Variants in NPC1L1 observed in about 807,000 individuals in gnomAD.
NPC1L1 encodes NPC1 like intracellular cholesterol transporter 1.
A neutral mutation model predicts 117.0 loss-of-function variants in NPC1L1; 98 were observed. That is an observed-to-expected ratio of 0.84 (90% CI 0.71 to 0.99). The LOEUF (loss-of-function observed/expected upper bound fraction) is 0.99, where lower values mean the gene tolerates loss of function less well. NPC1L1 is among the 50% of genes least tolerant of loss of function. The probability of loss-of-function intolerance (pLI) is 0.00; values close to 1 mark genes in which losing one functional copy is unlikely to be tolerated. For synonymous variants in NPC1L1, 729 were observed against 727.6 expected (o/e 1.00, Z -0.03); for missense variants, 1,540 against 1,710.0 (o/e 0.90, Z 1.75).
Position 44,536,060 on chromosome 7 carries a change from G to A in NPC1L1, c.1855-92C>T. 2 of 1,599,472 alleles carry A rather than the reference G, an allele frequency of 1.3e-6. No individual in the cohort carries two copies. Among genetic ancestry groups the A allele is most frequent in the Non-Finnish European group, 1.7e-6 (2 of 1,170,032 alleles). ...CTCGGTCACTGGGCACTAATTGTGTGTTGTGTCATAGGGCCTGATGGCCCC... is the reference window on the plus strand; with the variant it reads ...CTCGGTCACTGGGCACTAATTGTGTATTGTGTCATAGGGCCTGATGGCCCC... On this transcript the variant is annotated intron_variant, in intron 4 of 18. Coordinates refer to ENST00000381160, the MANE Select transcript of NPC1L1 (RefSeq NM_001101648.2). The surrounding 1 kb of genome is among the most constrained non-coding windows in gnomAD (Gnocchi z 4.7).
Position 44,516,692 on chromosome 7 carries a change from T to G in NPC1L1, c.3519+11A>C, listed in dbSNP as rs767294400. On this transcript the variant is annotated intron_variant, in intron 16 of 18. Coordinates refer to ENST00000381160, the MANE Select transcript of NPC1L1 (RefSeq NM_001101648.2). The stretch of plus-strand genomic sequence containing the variant: ...CCAGAGGCCCCCTGGTGCCTGTGTC[T>G]GCTGGGTTACCGAGACCAGGTTGAT... 1 of 1,602,090 alleles carries G rather than the reference T, an allele frequency of 6.2e-7. No individual in the cohort carries two copies. Among genetic ancestry groups the G allele is most frequent in the Non-Finnish European group, 8.5e-7 (1 of 1,173,572 alleles).
chr7:44,518,602 G>A, intron 14 of NPC1L1: 1 of 557,026 alleles, frequency 1.8e-6, no homozygotes, highest in Non-Finnish European at 2.9e-6. Context: ...CCAGGAGGTA[G>A]AGGTTGCAGT....
At chr7:44,513,712 C>G in intron 18 of NPC1L1, 63 bp from the exon 19 acceptor site, 1 of 1,570,724 alleles carries the variant, frequency 6.4e-7, no homozygotes, top group East Asian at 2.2e-5. Context: ...AGAAGCTATT[C>G]CTGGTTCTGT....
intron 18 of NPC1L1, 77 bp downstream of exon 18, chr7:44,515,726 T>C: frequency 6.3e-7 from 1 of 1,586,342 alleles, no homozygotes; most frequent in African/African-American, 1.3e-5. Context: ...TCCTGAGCTT[T>C]TGTGGTGAGC....
In NPC1L1 at chr7:44,521,801, TCCAC is replaced by T; in HGVS notation, c.2860_2863del (p.Val954MetfsTer7). 1 of 1,614,004 alleles carries T rather than the reference TCCAC, an allele frequency of 6.2e-7. No homozygotes were observed. Among genetic ancestry groups the T allele is most frequent in the Non-Finnish European group, 8.5e-7 (1 of 1,179,998 alleles). On this transcript the variant is annotated frameshift_variant, in exon 12 of 19. Coordinates refer to ENST00000381160, the MANE Select transcript of NPC1L1 (RefSeq NM_001101648.2). LOFTEE classifies it high-confidence loss of function. Reference sequence around the variant, plus strand: ...CGGGGTCAGCCAGTCAATGAAGTCATCCACCCAGGAGGAGGCAGGGATGGCCAGG... The same window carrying T: ...CGGGGTCAGCCAGTCAATGAAGTCATCCAGGAGGAGGCAGGGATGGCCAGG...
chr7:44,536,311 A>G lies in NPC1L1; in HGVS notation c.1799T>C (p.Met600Thr), dbSNP rs1319234917. The change falls in exon 4 of 19, where the codon ATG becomes ACG. Residue 600 changes from methionine to threonine, a missense_variant. Transcript: ENST00000381160. The surrounding 1 kb of genome is among the most constrained non-coding windows in gnomAD (Gnocchi z 4.7). The part of the protein sequence containing the change: ...KLWEEAFLEE[M>T]RAFQRRMAGM... ...AGCCATCCGACGCTGGAAGGCTCGCATTTCCTCTAAGAAGGCCTCCTCCCA... is the reference window on the plus strand; with the variant it reads ...AGCCATCCGACGCTGGAAGGCTCGCGTTTCCTCTAAGAAGGCCTCCTCCCA... 1 of 1,614,214 alleles carries G rather than the reference A, an allele frequency of 6.2e-7. No individual in the cohort carries two copies. Among genetic ancestry groups the G allele is most frequent in the Non-Finnish European group, 8.5e-7 (1 of 1,180,034 alleles).
At position 44,528,908 on chromosome 7, in the gene NPC1L1, A is replaced by C. The variant is rs545833171; in HGVS notation, c.2637+2847T>G. ...ACATGGTGAAACCCTGTCTCTACAA[A>C]AAATACAAAAAAATTAGCCAGGCAT... On this transcript the variant is annotated intron_variant, in intron 10 of 18. Transcript: ENST00000381160. 2.6e-5 allele frequency among the ~76,000 whole-genome samples: 4 copies of C among 151,834 alleles called. No individual in the cohort carries two copies. In the South Asian group the frequency reaches 8.3e-4, roughly 32 times the overall value.
At chr7:44,530,423 T>G (rs775312306) in intron 10 of NPC1L1, among the ~76,000 whole-genome samples, 2 of 152,242 alleles carry the variant, frequency 1.3e-5, no homozygotes, top group Admixed American at 1.3e-4. Context: ...GGGTAAAGTT[T>G]CAATTTTGCA....
intron 10 of NPC1L1, among the ~76,000 whole-genome samples, chr7:44,525,460 G>A (rs1225974410): frequency 1.3e-5 from 2 of 152,180 alleles, no homozygotes; most frequent in Non-Finnish European, 2.9e-5. Context: ...GTTTCACCAT[G>A]TTGGCCAGGA....
intron 10 of NPC1L1, among the ~76,000 whole-genome samples, chr7:44,522,952 T>C (rs1371546204): frequency 4.6e-5 from 7 of 152,174 alleles, no homozygotes; most frequent in Admixed American, 4.6e-4. Context: ...CTCCCTTCTA[T>C]AACATAAAGG....
At position 44,536,576 on chromosome 7, in the gene NPC1L1, T is replaced by C; in HGVS notation, c.1682-148A>G. ...CCCCACTCCTTCCTCATCTGATACA[T>C]GGCCTTACCTCCTACACCCCACTTC... is the stretch of plus-strand genomic sequence containing the variant. On this transcript the variant is annotated intron_variant, in intron 3 of 18. Coordinates refer to ENST00000381160, the MANE Select transcript of NPC1L1 (RefSeq NM_001101648.2). The surrounding 1 kb of genome is among the most constrained non-coding windows in gnomAD (Gnocchi z 4.7). The C allele has an allele frequency of 3.2e-6, 3 of 925,668 alleles. No homozygotes were observed. In the South Asian group the frequency reaches 4.2e-5, roughly 13 times the overall value. The allele number at this position is 925,668 out of a possible 1,614,324, so 57.3% of individuals were successfully genotyped here.
rs764587726 is a variant in NPC1L1 at position 44,540,003 on chromosome 7, T to C, written c.394A>G (p.Asn132Asp). Residue 132 changes from asparagine (N) to aspartate (D), a missense_variant, in exon 2 of 19, where the codon AAT becomes GAT. Physicochemically the swap from Asn to Asp is conservative, Grantham distance 23 (BLOSUM62 1). Around this residue, in one of 3 missense-constraint regions of NPC1L1, gnomAD observed 793 missense variants for 820.4 expected, o/e 0.97. Coordinates refer to ENST00000381160, the MANE Select transcript of NPC1L1 (RefSeq NM_001101648.2). ...GTCACATTGATGAAGAGGCTCTGAT[T>C]GGGGCTGCACGTGTTGTGGCAGTGC... ...NLHCHNTCSPNQSLFINVTRV... is the reference protein window; with the variant it reads ...NLHCHNTCSPDQSLFINVTRV... The C allele has an allele frequency of 1.9e-5, 31 of 1,614,024 alleles. No homozygotes were observed. Among genetic ancestry groups the C allele is most frequent in the Middle Eastern group, 3.3e-4 (2 of 6,084 alleles).
At position 44,533,412 on chromosome 7, in the gene NPC1L1, C is replaced by A. The variant is rs367897722; in HGVS notation, c.2409+19G>T. ...GAACCCAGGGGCAGGTCCCTCAGTA[C>A]TGGCCCAGCTGCCCCTACCTCCTGC... On this transcript the variant is annotated intron_variant, in intron 8 of 18. Transcript: ENST00000381160. 3.1e-6 allele frequency: 5 copies of A among 1,613,296 alleles called. No individual in the cohort carries two copies. Among genetic ancestry groups the A allele is most frequent in the Non-Finnish European group, 4.2e-6 (5 of 1,179,728 alleles).
Position 44,513,168 on chromosome 7 carries a change from T to G in NPC1L1, c.*279A>C, listed in dbSNP as rs1162657231. 2 of 497,866 alleles carry G rather than the reference T, an allele frequency of 4.0e-6. No individual in the cohort carries two copies. The highest frequency in any genetic ancestry group is 3.7e-5 in the East Asian group (1 of 26,850). 30.8% of individuals were successfully genotyped at this position (497,866 alleles called of 1,614,324 possible). On this transcript the variant is annotated 3_prime_UTR_variant, in exon 19 of 19. Coordinates refer to ENST00000381160, the MANE Select transcript of NPC1L1 (RefSeq NM_001101648.2). ...GAGTGAGTGTGGGACAAACATGGAG[T>G]GTGTCTGTTCCTGCCAACTTCCAGA...
At position 44,517,335 on chromosome 7, in the gene NPC1L1, G is replaced by A; in HGVS notation, c.3159C>T (p.His1053=). The A allele has an allele frequency of 1.2e-6, 2 of 1,613,316 alleles. No homozygotes were observed. The highest frequency in any genetic ancestry group is 1.7e-6 in the Non-Finnish European group (2 of 1,180,044). Residue 1053 remains histidine, a synonymous_variant, in exon 15 of 19, where the codon CAC becomes CAT. Coordinates refer to ENST00000381160, the MANE Select transcript of NPC1L1 (RefSeq NM_001101648.2). Reference sequence around the variant, plus strand: ...AATCCTGTGAGTTTTTCAGGGGCTTGTGATAGGCCATGAACCTGGAGGCTG... The same window carrying A: ...AATCCTGTGAGTTTTTCAGGGGCTTATGATAGGCCATGAACCTGGAGGCTG... ...QVLASRFMAY[H]KPLKNSQDYT...
In NPC1L1 at chr7:44,538,455, A is replaced by C. The variant is rs1347547271; in HGVS notation, c.1580+362T>G. ...CCCCTGGCACAGAAACAAGAAGCAA[A>C]ACATAGCAAATATAAATATGTACTC... On this transcript the variant is annotated intron_variant, in intron 2 of 18. Coordinates refer to ENST00000381160, the MANE Select transcript of NPC1L1 (RefSeq NM_001101648.2). The surrounding 1 kb of genome is among the most constrained non-coding windows in gnomAD (Gnocchi z 5.9). 2.0e-5 allele frequency among the ~76,000 whole-genome samples: 3 copies of C among 152,246 alleles called. No individual in the cohort carries two copies. Among genetic ancestry groups the C allele is most frequent in the Admixed American group, 2.0e-4 (3 of 15,284 alleles).
At position 44,536,152 on chromosome 7, in the gene NPC1L1, G is replaced by GC; in HGVS notation, c.1854+103dup. ...ACCCCGTTCTGAGCAGGCAGCCACT[G>GC]CCCAGGGTCACTTAGGAAGGGCCAG... On this transcript the variant is annotated intron_variant, in intron 4 of 18. Coordinates refer to ENST00000381160, the MANE Select transcript of NPC1L1 (RefSeq NM_001101648.2). The surrounding 1 kb of genome is among the most constrained non-coding windows in gnomAD (Gnocchi z 4.7). The GC allele has an allele frequency of 6.4e-7, 1 of 1,572,204 alleles. No homozygotes were observed. Among genetic ancestry groups the GC allele is most frequent in the South Asian group, 1.1e-5 (1 of 89,826 alleles).
At chr7:44,518,666 T>C in intron 14 of NPC1L1, 2 of 1,144,974 alleles carry the variant, frequency 1.7e-6, no homozygotes, top group African/African-American at 1.6e-5. Context: ...GGCAACTGTG[T>C]CTCAAAAAAA....
intron 8 of NPC1L1, 30 bp downstream of exon 8, chr7:44,533,401 G>A (rs1464892103): frequency 6.2e-7 from 1 of 1,613,018 alleles, no homozygotes; most frequent in Non-Finnish European, 8.5e-7. Context: ...CCAGGGGCAG[G>A]TCCCTCAGTA....
Sources: allele counts gnomAD v4.1 joint callset (sites outside exome capture counted in the v4.1 genomes callset), GRCh38; gene constraint gnomAD v4.1.1; regional missense constraint gnomAD v4.1.1; non-coding constraint Gnocchi (gnomAD v3.1); transcripts MANE v1.5; gene names NCBI Gene and HGNC (gene_info 2026-07-23, HGNC 2026-07-21).